The following MKRN2OS variants were observed in gnomAD, a reference collection of about 807,000 sequenced individuals.
MKRN2OS encodes MKRN2 opposite strand protein.
In MKRN2OS, 17 loss-of-function variants were observed where a neutral mutation model predicts 18.2. That is an observed-to-expected ratio of 0.93 (90% CI 0.64 to 1.40). The LOEUF (loss-of-function observed/expected upper bound fraction) is 1.40. MKRN2OS is among the 40% of genes most tolerant of loss of function. The pLI is 0.00. For synonymous variants in MKRN2OS, 121 were observed against 108.5 expected (o/e 1.12, Z -0.72); for missense variants, 337 against 283.0 (o/e 1.19, Z -1.37).
chr3:12,558,777 A>G (rs914970205), intron 1 of MKRN2OS, among the ~76,000 whole-genome samples: 1 of 152,166 alleles, frequency 6.6e-6, no homozygotes, highest in African/African-American at 2.4e-5. Flanking sequence ...CTCCATATAA[A>G]TGAAGATTGG....
chr3:12,545,581 T>A, upstream of MKRN2OS: 1 of 786,778 alleles, frequency 1.3e-6, no homozygotes, highest in Non-Finnish European at 1.9e-6. Context: ...TCATCCTGAC[T>A]GATGGCTTCA....
chr3:12,543,934 A>G (rs2057851478), intron 1 of MKRN2OS, among the ~76,000 whole-genome samples: 1 of 152,004 alleles, frequency 6.6e-6, no homozygotes, highest in East Asian at 1.9e-4. Flanking sequence ...TTTGTTTTAC[A>G]GATAAGGAAC....
At chr3:12,557,213 C>G in intron 1 of MKRN2OS, 1 of 1,529,964 alleles carries the variant, frequency 6.5e-7, no homozygotes, top group Non-Finnish European at 8.8e-7. Context: ...GGGCCGCTCC[C>G]CCAGGCCGCA....
At chr3:12,560,435 T>C (rs1160998118) in intron 1 of MKRN2OS, among the ~76,000 whole-genome samples, 1 of 140,158 alleles carries the variant, frequency 7.1e-6, no homozygotes, top group Non-Finnish European at 1.5e-5. Flanking sequence ...TCACAAGGAG[T>C]ATAGCCGTAA....
upstream of MKRN2OS, among the ~76,000 whole-genome samples, chr3:12,549,160 G>T (rs1034586008): frequency 6.6e-6 from 1 of 152,134 alleles, no homozygotes; most frequent in African/African-American, 2.4e-5. Flanking sequence ...GGCCAGGCTG[G>T]TCTTGAACTC....
At chr3:12,543,659 G>A (rs917031660) in intron 1 of MKRN2OS, among the ~76,000 whole-genome samples, 7 of 152,048 alleles carry the variant, frequency 4.6e-5, no homozygotes, top group Non-Finnish European at 8.8e-5. Flanking sequence ...GCTGAGGTGG[G>A]AGGATCTTTT....
At chr3:12,540,700 C>T (rs1045169185) in intron 3 of MKRN2OS, among the ~76,000 whole-genome samples, 1 of 151,824 alleles carries the variant, frequency 6.6e-6, no homozygotes, top group African/African-American at 2.4e-5. Context: ...ATGGTGAAAC[C>T]CCGTCCCTAC....
intron 3 of MKRN2OS, among the ~76,000 whole-genome samples, chr3:12,541,128 T>C (rs2057802907): frequency 1.3e-5 from 2 of 152,118 alleles, no homozygotes; most frequent in African/African-American, 4.8e-5. Context: ...TCCACAAACA[T>C]GCTATACGTC....
chr3:12,548,447 C>CAAAAA (rs1215377576), upstream of MKRN2OS, among the ~76,000 whole-genome samples: 12 of 19,806 alleles, frequency 6.1e-4, no homozygotes, highest in East Asian at 2.4e-3. Context: ...GACTCCGTCT[C>CAAAAA]AAAAAAAAAA....
chr3:12,540,541 C>A, intron 3 of MKRN2OS, 108 bp from the exon 4 acceptor site: 2 of 1,305,752 alleles, frequency 1.5e-6, no homozygotes, highest in East Asian at 2.5e-5. Flanking sequence ...CAAGCAAGGC[C>A]CCTGCATGTG....
chr3:12,545,532 G>T, upstream of MKRN2OS: 2 of 1,206,616 alleles, frequency 1.7e-6, no homozygotes, highest in Non-Finnish European at 2.3e-6. Context: ...TACACCTGGC[G>T]AATGCACACC....
chr3:12,545,527 C>G, upstream of MKRN2OS: 2 of 1,258,946 alleles, frequency 1.6e-6, no homozygotes, highest in Non-Finnish European at 2.1e-6. Flanking sequence ...CATTATACAC[C>G]TGGCGAATGC....
chr3:12,556,297 G>A lies in MKRN2OS; in HGVS notation n.265-2163C>T, dbSNP rs181454774. Reference sequence around the variant, plus strand: ...ACCCGGGAGGCGGAGGTTGCAGTGAGCCGAGATCGCCCCACTGCACTCCAG... The same window carrying A: ...ACCCGGGAGGCGGAGGTTGCAGTGAACCGAGATCGCCCCACTGCACTCCAG... On this transcript the variant is annotated intron_variant and non_coding_transcript_variant, in intron 1 of 1. Transcript: ENST00000447550. Among the ~76,000 whole-genome samples, 49 of 147,608 alleles carry A rather than the reference G, an allele frequency of 3.3e-4. 1 individual carries two copies. The East Asian group carries it at 8.9e-3, about 27-fold the overall frequency.
chr3:12,540,594 C>T lies in MKRN2OS; in HGVS notation c.432-161G>A, dbSNP rs371535783. Among the ~76,000 whole-genome samples the T allele has an allele frequency of 9.9e-5, 15 of 152,172 alleles. 1 individual carries two copies. The highest frequency in any genetic ancestry group is 7.2e-4 in the Admixed American group (11 of 15,288). ...GAAGCTTCAAGATGTGCACTTCAGG[C>T]CGGGTGCGGTGGCTCACACCTGTAA... is the stretch of plus-strand genomic sequence containing the variant. On this transcript the variant is annotated intron_variant, in intron 3 of 3. Coordinates refer to ENST00000564146, the MANE Select transcript of MKRN2OS (RefSeq NM_001195279.2).
upstream of MKRN2OS, among the ~76,000 whole-genome samples, chr3:12,546,851 T>G (rs749094538): frequency 5.3e-5 from 8 of 152,198 alleles, no homozygotes; most frequent in Non-Finnish European, 1.2e-4. Context: ...GTGCTGGGAT[T>G]ACAGGCGTGA....
chr3:12,545,426 G>C lies in MKRN2OS; in HGVS notation c.39C>G (p.Phe13Leu). The part of the protein sequence containing the change: ...CAEAGKALIK[F>L]NHCEKYIYSF... ...TGTAGATGTATTTCTCACAGTGGTT[G>C]AATTTAATTAAAGCCTTCCCAGCCT... The change falls in exon 1 of 4, where the codon TTC becomes TTG. Residue 13 changes from phenylalanine (F) to leucine (L), a missense_variant. Coordinates refer to ENST00000564146, the MANE Select transcript of MKRN2OS (RefSeq NM_001195279.2). 1 of 1,534,998 alleles carries C rather than the reference G, an allele frequency of 6.5e-7. No homozygotes were observed. Among genetic ancestry groups the C allele is most frequent in the Non-Finnish European group, 8.7e-7 (1 of 1,146,468 alleles).
At chr3:12,553,202 C>T (rs189815353), downstream of MKRN2OS, among the ~76,000 whole-genome samples, 4 of 152,150 alleles carry the variant, frequency 2.6e-5, no homozygotes, top group Admixed American at 2.6e-4. Flanking sequence ...GATACCAGCA[C>T]CTGGCATGGA....
At chr3:12,546,603 CAG>C (rs1210267831), upstream of MKRN2OS, among the ~76,000 whole-genome samples, 4 of 76,402 alleles carry the variant, frequency 5.2e-5, no homozygotes, top group African/African-American at 1.2e-4. Context: ...TTTTTTGAGA[CAG>C]AGTCTCACTC....
At chr3:12,550,765 G>A (rs918987566), downstream of MKRN2OS, among the ~76,000 whole-genome samples, 1 of 152,156 alleles carries the variant, frequency 6.6e-6, no homozygotes, top group Non-Finnish European at 1.5e-5. Context: ...GCTGCAGGCC[G>A]GTACGGATTC....
Sources: allele counts gnomAD v4.1 joint callset (sites outside exome capture counted in the v4.1 genomes callset), GRCh38; gene constraint gnomAD v4.1.1; transcripts MANE v1.5; gene names NCBI Gene and HGNC (gene_info 2026-07-23, HGNC 2026-07-21).